NTNG1: variants seen among roughly 807,000 people sequenced by gnomAD.
The protein encoded by NTNG1 is netrin-G1.
Under a neutral mutation model 54.0 loss-of-function variants are expected in NTNG1, and 16 were observed. That is an observed-to-expected ratio of 0.30 (90% CI 0.20 to 0.45). The LOEUF (loss-of-function observed/expected upper bound fraction) is 0.45. Ranked by LOEUF, NTNG1 falls within the 20% of genes least tolerant of loss-of-function variation. The probability of loss-of-function intolerance (pLI) is 1.00; values close to 1 mark genes in which losing one functional copy is unlikely to be tolerated. For missense variants in NTNG1, 530 were observed against 678.7 expected, an observed-to-expected ratio of 0.78 and a Z score of 2.43; for synonymous variants, 255 against 263.1, an observed-to-expected ratio of 0.97 and a Z score of 0.30.
chr1:107,148,353 A>G lies in NTNG1; in HGVS notation c.-241A>G, dbSNP rs1460323533. On this transcript the variant is annotated 5_prime_UTR_variant, in exon 2 of 8. Coordinates refer to ENST00000370068, the MANE Select transcript of NTNG1 (RefSeq NM_001113226.3). ...GCTGCAAGTTGTTAACGCCTAACAC[A>G]CAAGTATGTTAGGCTTCCACCAAAG... 6.5e-6 allele frequency: 3 copies of G among 464,356 alleles called. No homozygotes were observed. Among genetic ancestry groups the G allele is most frequent in the Non-Finnish European group, 7.7e-6 (2 of 260,642 alleles). The allele number at this position is 464,356 out of a possible 1,614,324, so 28.8% of individuals were successfully genotyped here.
At chr1:107,217,421 T>G (rs1557818283) in intron 2 of NTNG1, among the ~76,000 whole-genome samples, 1 of 152,172 alleles carries the variant, frequency 6.6e-6, no homozygotes, top group Non-Finnish European at 1.5e-5. Context: ...ATCTTTTGGA[T>G]TTTTTGTTTG....
In NTNG1 at chr1:107,395,253, C is replaced by T; in HGVS notation, c.987C>T (p.Cys329=). ...HNTTGPDCGK[C]KKNYQGRPWS... ...CTACAGGTCCAGACTGTGGGAAATG[C>T]AAGAAGAATTATCAGGGCCGACCTT... is the stretch of plus-strand genomic sequence containing the variant. Residue 329 remains cysteine (C), a synonymous_variant, in exon 4 of 8, where the codon TGC becomes TGT. Coordinates refer to ENST00000370068, the MANE Select transcript of NTNG1 (RefSeq NM_001113226.3). 3 of 1,613,598 alleles carry T rather than the reference C, an allele frequency of 1.9e-6. No homozygotes were observed. The highest frequency in any genetic ancestry group is 2.5e-6 in the Non-Finnish European group (3 of 1,179,642).
chr1:107,388,890 A>C (rs1162931438), intron 3 of NTNG1, among the ~76,000 whole-genome samples: 1 of 152,218 alleles, frequency 6.6e-6, no homozygotes, highest in East Asian at 1.9e-4. Context: ...TGTATAATGT[A>C]TCACTCTTTT....
chr1:107,247,625 G>A (rs1387600873), intron 2 of NTNG1, among the ~76,000 whole-genome samples: 1 of 152,100 alleles, frequency 6.6e-6, no homozygotes, highest in Admixed American at 6.6e-5. Flanking sequence ...CTCCCCTCCA[G>A]ATAACATGAT....
intron 5 of NTNG1, among the ~76,000 whole-genome samples, chr1:107,411,849 T>C (rs1557977727): frequency 6.6e-6 from 1 of 152,200 alleles, no homozygotes; most frequent in Admixed American, 6.5e-5. Context: ...CATATTTGTG[T>C]AAATGGCATT....
chr1:107,388,987 G>A lies in NTNG1; in HGVS notation c.888-6167G>A, dbSNP rs72987508. On this transcript the variant is annotated intron_variant, in intron 3 of 7. Coordinates refer to ENST00000370068, the MANE Select transcript of NTNG1 (RefSeq NM_001113226.3). ...CTAGTGCCAATCCAAGGGAAGAGGC[G>A]CAAGCAGAGGATGATCCACATTTTG... Among the ~76,000 whole-genome samples the A allele has an allele frequency of 5.1e-3, 774 of 152,342 alleles. 6 individuals are homozygous for A. Among genetic ancestry groups the A allele is most frequent in the African/African-American group, 0.017 (726 of 41,584 alleles).
chr1:107,333,016 G>C (rs1668373058), intron 3 of NTNG1, among the ~76,000 whole-genome samples: 1 of 151,902 alleles, frequency 6.6e-6, no homozygotes, highest in Admixed American at 6.6e-5. Context: ...GGATGGAAAG[G>C]CTTTGAATAT....
intron 7 of NTNG1, among the ~76,000 whole-genome samples, chr1:107,468,804 A>G (rs999689394): frequency 5.3e-5 from 8 of 152,016 alleles, no homozygotes; most frequent in African/African-American, 1.7e-4. Flanking sequence ...GCTTAATGAA[A>G]AATGATAGGA....
chr1:107,323,428 G>A (rs1667767054), intron 2 of NTNG1, among the ~76,000 whole-genome samples: 1 of 152,098 alleles, frequency 6.6e-6, no homozygotes, highest in Admixed American at 6.6e-5. Context: ...TGTCTGTAAA[G>A]GAAGTAGCAT....
chr1:107,312,359 T>C (rs182538945), intron 2 of NTNG1, among the ~76,000 whole-genome samples: 1 of 152,292 alleles, frequency 6.6e-6, no homozygotes, highest in Admixed American at 6.5e-5. Flanking sequence ...GTAGGTTTAA[T>C]GCTAACTACT....
At chr1:107,209,221 T>A (rs1287090732) in intron 2 of NTNG1, among the ~76,000 whole-genome samples, 1 of 152,102 alleles carries the variant, frequency 6.6e-6, no homozygotes, top group African/African-American at 2.4e-5. Flanking sequence ...TTGCTTTGAT[T>A]ACCACAATGT....
chr1:107,343,509 T>C (rs1437887084), intron 3 of NTNG1, among the ~76,000 whole-genome samples: 1 of 152,090 alleles, frequency 6.6e-6, no homozygotes, highest in Non-Finnish European at 1.5e-5. Flanking sequence ...CCCTACTTTT[T>C]TTTTTTTCCT....
chr1:107,142,803 G>C (rs1215840820), intron 1 of NTNG1, among the ~76,000 whole-genome samples: 6 of 148,060 alleles, frequency 4.1e-5, no homozygotes, highest in Middle Eastern at 3.6e-3. Flanking sequence ...TTTCTGTTTT[G>C]TTTGTCCCTT....
At chr1:107,439,443 T>C (rs894613955) in intron 7 of NTNG1, among the ~76,000 whole-genome samples, 3 of 152,064 alleles carry the variant, frequency 2.0e-5, no homozygotes, top group African/African-American at 7.2e-5. Flanking sequence ...GGAGAAGATA[T>C]GTGATCCATC....
intron 5 of NTNG1, among the ~76,000 whole-genome samples, chr1:107,412,690 T>G (rs1673906789): frequency 6.6e-6 from 1 of 152,150 alleles, no homozygotes; most frequent in Non-Finnish European, 1.5e-5. Flanking sequence ...CTGGAGAACT[T>G]ACAAGCATGG....
At chr1:107,225,371 T>G (rs1203023586) in intron 2 of NTNG1, among the ~76,000 whole-genome samples, 1 of 150,290 alleles carries the variant, frequency 6.7e-6, no homozygotes, top group Non-Finnish European at 1.5e-5. Flanking sequence ...AAGTGTGAAT[T>G]CAAAAAAAAA....
chr1:107,283,019 C>T (rs1308927732), intron 2 of NTNG1, among the ~76,000 whole-genome samples: 1 of 152,062 alleles, frequency 6.6e-6, no homozygotes, highest in Non-Finnish European at 1.5e-5. Flanking sequence ...TTCATGATGG[C>T]TCCACCCTCA....
intron 3 of NTNG1, among the ~76,000 whole-genome samples, chr1:107,341,979 A>T (rs889885976): frequency 5.9e-5 from 9 of 152,044 alleles, no homozygotes; most frequent in African/African-American, 2.2e-4. Context: ...AAAATATGTG[A>T]GTGCATTAGA....
chr1:107,332,041 G>C (rs1261205321), intron 3 of NTNG1, among the ~76,000 whole-genome samples: 2 of 151,958 alleles, frequency 1.3e-5, no homozygotes, highest in Non-Finnish European at 2.9e-5. Flanking sequence ...GAAACATTTA[G>C]AATAAAGACT....
Sources: gnomAD v4.1 joint callset for allele counts (sites outside exome capture counted in the v4.1 genomes callset) on GRCh38, gnomAD v4.1.1 for gene constraint, MANE v1.5 for transcripts, NCBI Gene and HGNC (gene_info 2026-07-23, HGNC 2026-07-21) for gene names.